Variants in RFC3 observed in about 807,000 individuals in gnomAD.
RFC3 encodes replication factor C subunit 3.
In RFC3, 41 loss-of-function variants were observed where a neutral mutation model predicts 45.1. The ratio of observed to expected loss-of-function variants is 0.91; its 90% CI spans 0.71 to 1.18. RFC3 has a LOEUF of 1.18. Ranked by LOEUF, RFC3 falls within the 50% of genes most tolerant of loss-of-function variation. RFC3 has a pLI of 0.00. For synonymous variants in RFC3, 149 were observed against 144.0 expected (o/e 1.03, Z -0.25); for missense variants, 423 against 428.1 (o/e 0.99, Z 0.10).
chr13:33,836,861 G>C lies in RFC3; in HGVS notation c.*566G>C. On this transcript the variant is annotated 3_prime_UTR_variant, in exon 9 of 9. Transcript: ENST00000380071. ...ATTTCAGTGGTTCAGATTAGTATTA[G>C]GTCGGTACTAAGAAATAAGCATGTT... 1 of 984,442 alleles carries C rather than the reference G, an allele frequency of 1.0e-6. No homozygotes were observed. Among genetic ancestry groups the C allele is most frequent in the African/African-American group, 1.7e-5 (1 of 57,296 alleles). The allele number at this position is 984,442 out of a possible 1,614,324, so 61.0% of individuals were successfully genotyped here.
intron 1 of RFC3, among the ~76,000 whole-genome samples, chr13:33,818,763 C>T (rs907840890): frequency 6.6e-6 from 1 of 151,982 alleles, no homozygotes; most frequent in African/African-American, 2.4e-5. Flanking sequence ...TACTTTCTAG[C>T]TGGCTTAAGA....
At chr13:33,892,295 G>T (rs967525873) in intron 8 of RFC3, among the ~76,000 whole-genome samples, 1 of 152,078 alleles carries the variant, frequency 6.6e-6, no homozygotes, top group Admixed American at 6.6e-5. Flanking sequence ...AACATCAAAG[G>T]CAGAGCTCCA....
intron 8 of RFC3, among the ~76,000 whole-genome samples, chr13:33,918,147 T>C (rs1269938027): frequency 6.6e-6 from 1 of 152,168 alleles, no homozygotes; most frequent in Non-Finnish European, 1.5e-5. Context: ...TAGGTCCTTG[T>C]GGCTCTGTTC....
chr13:33,865,544 T>A (rs2082367796), intron 8 of RFC3, among the ~76,000 whole-genome samples: 1 of 152,194 alleles, frequency 6.6e-6, no homozygotes, highest in African/African-American at 2.4e-5. Flanking sequence ...CTGAGGAAGC[T>A]CTACCAAGGA....
chr13:33,876,195 G>A (rs2137581699), intron 8 of RFC3, among the ~76,000 whole-genome samples: 1 of 152,222 alleles, frequency 6.6e-6, no homozygotes, highest in South Asian at 2.1e-4. Flanking sequence ...CCCAATAAAT[G>A]AGCATACTCA....
At chr13:33,830,249 G>A (rs778287608) in intron 5 of RFC3, among the ~76,000 whole-genome samples, 12 of 152,058 alleles carry the variant, frequency 7.9e-5, no homozygotes, top group Non-Finnish European at 1.3e-4. Context: ...TAGGTATTAC[G>A]AATTCTACTA....
chr13:33,838,229 T>C (rs1012252161), downstream of RFC3, among the ~76,000 whole-genome samples: 14 of 152,158 alleles, frequency 9.2e-5, no homozygotes, highest in Non-Finnish European at 1.5e-4. Context: ...TAAGATCATG[T>C]GTATGAAATG....
chr13:33,944,773 C>A (rs2082945017), intron 8 of RFC3, among the ~76,000 whole-genome samples: 1 of 152,030 alleles, frequency 6.6e-6, no homozygotes, highest in African/African-American at 2.4e-5. Context: ...CTCAAATTTC[C>A]ACATATTCCT....
rs544796815 is a variant in RFC3, at chr13:33,952,737, C to A, written c.880-13350C>A. On this transcript the variant is annotated intron_variant, in intron 8 of 8. Coordinates refer to the RFC3 transcript ENST00000434425. ...CCTCCAATAAAAACTCAAGAACAACCTGTGTGGCATTCTTGCTTGGGCCAC... is the reference window on the plus strand; with the variant it reads ...CCTCCAATAAAAACTCAAGAACAACATGTGTGGCATTCTTGCTTGGGCCAC... 1.4e-4 allele frequency among the ~76,000 whole-genome samples: 22 copies of A among 152,288 alleles called. 2 individuals are homozygous for A. The South Asian group carries it at 3.1e-3, about 22-fold the overall frequency.
chr13:33,889,337 C>T (rs765307127), intron 8 of RFC3, among the ~76,000 whole-genome samples: 3 of 152,156 alleles, frequency 2.0e-5, no homozygotes, highest in South Asian at 2.1e-4. Context: ...CTCCATAACT[C>T]CACAGGCTGG....
chr13:33,827,259 A>G (rs1047356659), intron 4 of RFC3, among the ~76,000 whole-genome samples: 14 of 152,308 alleles, frequency 9.2e-5, no homozygotes, highest in African/African-American at 3.4e-4. Context: ...ACTGTACTCC[A>G]GCCAGGGTGA....
downstream of RFC3, among the ~76,000 whole-genome samples, chr13:33,967,172 A>T (rs1049809327): frequency 6.6e-6 from 1 of 152,180 alleles, no homozygotes; most frequent in Admixed American, 6.5e-5. Context: ...AATTAAAAAA[A>T]AAATTTAAAA....
intron 8 of RFC3, among the ~76,000 whole-genome samples, chr13:33,860,600 C>CT (rs2082334872): frequency 6.6e-6 from 1 of 152,108 alleles, no homozygotes; most frequent in African/African-American, 2.4e-5. Context: ...TGACAATCGA[C>CT]TCCGCATGTG....
intron 8 of RFC3, among the ~76,000 whole-genome samples, chr13:33,884,435 T>C (rs2082506486): frequency 6.6e-6 from 1 of 152,226 alleles, no homozygotes; most frequent in Non-Finnish European, 1.5e-5. Context: ...AGAAGAGCAG[T>C]CTTTGAAAGC....
intron 8 of RFC3, among the ~76,000 whole-genome samples, chr13:33,929,966 T>C (rs1291155581): frequency 6.6e-6 from 1 of 152,142 alleles, no homozygotes; most frequent in Non-Finnish European, 1.5e-5. Flanking sequence ...ACTTTCCTTT[T>C]GAATATTTGT....
rs140662192 is a variant in RFC3 at position 33,876,205 on chromosome 13, A to G, written c.879+40988A>G. On this transcript the variant is annotated intron_variant, in intron 8 of 8. Coordinates refer to the RFC3 transcript ENST00000434425. ...AGTTACCCAATAAATGAGCATACTC[A>G]GCATATTCAAACAGTTTAAACAATT... Among the ~76,000 whole-genome samples, 17 of 152,338 alleles carry G rather than the reference A, an allele frequency of 1.1e-4. No individual in the cohort carries two copies. The East Asian group carries it at 3.1e-3, about 28-fold the overall frequency.
At chr13:33,960,767 C>CT (rs2083051956) in intron 8 of RFC3, among the ~76,000 whole-genome samples, 1 of 152,214 alleles carries the variant, frequency 6.6e-6, no homozygotes, top group Admixed American at 6.5e-5. Context: ...GCAGACTGGC[C>CT]TCCTGCACTC....
At chr13:33,881,027 G>A (rs1409264776) in intron 8 of RFC3, among the ~76,000 whole-genome samples, 1 of 152,118 alleles carries the variant, frequency 6.6e-6, no homozygotes, top group Non-Finnish European at 1.5e-5. Flanking sequence ...TTGGACTTCA[G>A]CCCAGGTGAC....
At chr13:33,856,901 A>G (rs1019959599) in intron 8 of RFC3, among the ~76,000 whole-genome samples, 2 of 152,186 alleles carry the variant, frequency 1.3e-5, no homozygotes, top group African/African-American at 4.8e-5. Context: ...CCCATTCCAG[A>G]GAGAGACAGG....
Sources: allele counts gnomAD v4.1 joint callset (sites outside exome capture counted in the v4.1 genomes callset), GRCh38; gene constraint gnomAD v4.1.1; transcripts MANE v1.5; gene names NCBI Gene and HGNC (gene_info 2026-07-23, HGNC 2026-07-21).